SEMA3C: variants seen among roughly 807,000 people sequenced by gnomAD.
SEMA3C encodes the protein semaphorin 3C.
In SEMA3C, 47 loss-of-function variants were observed where a neutral mutation model predicts 89.4. That is an observed-to-expected ratio of 0.53 (90% CI 0.42 to 0.67). The LOEUF (loss-of-function observed/expected upper bound fraction) is 0.67, where lower values mean the gene tolerates loss of function less well. Ranked by LOEUF, SEMA3C falls within the 30% of genes least tolerant of loss-of-function variation. SEMA3C has a pLI of 0.00. For missense variants in SEMA3C, 839 were observed against 929.1 expected (o/e 0.90, Z 1.26); for synonymous variants, 310 against 320.2 (o/e 0.97, Z 0.34).
chr7:80,913,828 T>C (rs1324898546), intron 2 of SEMA3C, among the ~76,000 whole-genome samples: 1 of 152,208 alleles, frequency 6.6e-6, no homozygotes, highest in East Asian at 1.9e-4. Flanking sequence ...TTACAAATGT[T>C]ATTACTCCAT....
chr7:80,845,193 T>G lies in SEMA3C; in HGVS notation c.104-16448A>C, dbSNP rs554651846. Among the ~76,000 whole-genome samples, 8 of 152,188 alleles carry G rather than the reference T, an allele frequency of 5.3e-5. No individual in the cohort carries two copies. In the South Asian group the frequency reaches 1.7e-3, roughly 32 times the overall value. On this transcript the variant is annotated intron_variant, in intron 2 of 17. Coordinates refer to ENST00000265361, the MANE Select transcript of SEMA3C (RefSeq NM_006379.5). ...AACCCTACTGTTCCCTCACGCAGACTGAAAACTATTGTGAGGCTAAAACTG... is the reference window on the plus strand; with the variant it reads ...AACCCTACTGTTCCCTCACGCAGACGGAAAACTATTGTGAGGCTAAAACTG...
At chr7:80,848,792 T>C (rs1790445990) in intron 2 of SEMA3C, among the ~76,000 whole-genome samples, 1 of 152,236 alleles carries the variant, frequency 6.6e-6, no homozygotes, top group Non-Finnish European at 1.5e-5. Flanking sequence ...ATATTATTTA[T>C]GCAAACTATG....
At position 80,798,222 on chromosome 7, in the gene SEMA3C, C is replaced by A; in HGVS notation, c.1001G>T (p.Gly334Val). ...IFTTSSSVFK[G>V]SAVCVYHLSD... ...TAAATGATACACACACACGGCTGAT[C>A]CTTTGAAAACTGAGCTAAAAAAGAA... Residue 334 changes from glycine (G) to valine (V), a missense_variant, in exon 11 of 18, where the codon GGA (glycine) becomes GTA (valine). Gly to Val is a moderately radical substitution (Grantham distance 109, BLOSUM62 -3). Coordinates refer to ENST00000265361, the MANE Select transcript of SEMA3C (RefSeq NM_006379.5). 6.9e-7 allele frequency: 1 copy of A among 1,452,208 alleles called. No homozygotes were observed. The highest frequency in any genetic ancestry group is 9.1e-7 in the Non-Finnish European group (1 of 1,099,314). The allele number at this position is 1,452,208 out of a possible 1,614,324, so 90.0% of individuals were successfully genotyped here.
At chr7:80,883,853 T>C (rs1231983744) in intron 2 of SEMA3C, among the ~76,000 whole-genome samples, 1 of 152,210 alleles carries the variant, frequency 6.6e-6, no homozygotes, top group Admixed American at 6.5e-5. Context: ...AACTCATAAT[T>C]CACAAGAATC....
intron 2 of SEMA3C, among the ~76,000 whole-genome samples, chr7:80,875,101 CAA>C (rs5885201): frequency 6.9e-6 from 1 of 144,084 alleles, no homozygotes; most frequent in African/African-American, 2.6e-5. Context: ...AAAACAAAAC[CAA>C]AAAAAAAAAA....
chr7:80,805,788 A>C lies in SEMA3C; in HGVS notation c.539-30T>G, dbSNP rs777722093. ...GAAAAAGAAAATATCAATGAAATGT[A>C]AATTTTTAAAGCTATTTTGAAATTC... On this transcript the variant is annotated intron_variant, in intron 6 of 17. Coordinates refer to ENST00000265361, the MANE Select transcript of SEMA3C (RefSeq NM_006379.5). 3 of 1,535,084 alleles carry C rather than the reference A, an allele frequency of 2.0e-6. No homozygotes were observed. The South Asian group carries it at 3.5e-5, about 18-fold the overall frequency.
intron 13 of SEMA3C, among the ~76,000 whole-genome samples, chr7:80,762,341 A>G (rs1019497947): frequency 2.6e-5 from 4 of 152,156 alleles, no homozygotes; most frequent in African/African-American, 9.7e-5. Flanking sequence ...AAGACAATAT[A>G]TTAGGCTGAA....
chr7:80,898,315 G>A (rs755193367), intron 2 of SEMA3C, among the ~76,000 whole-genome samples: 5 of 152,174 alleles, frequency 3.3e-5, no homozygotes, highest in South Asian at 2.1e-4. Flanking sequence ...GCAGTGAGCC[G>A]AGATCGCGCC....
At chr7:80,779,832 TGA>T (rs1454625339) in intron 12 of SEMA3C, among the ~76,000 whole-genome samples, 9 of 152,156 alleles carry the variant, frequency 5.9e-5, no homozygotes, top group Admixed American at 5.2e-4. Flanking sequence ...CAGATTGAAG[TGA>T]GAGACTCTAC....
chr7:80,781,854 A>G (rs906979030), intron 12 of SEMA3C, among the ~76,000 whole-genome samples: 2 of 152,178 alleles, frequency 1.3e-5, no homozygotes, highest in African/African-American at 4.8e-5. Context: ...AGTCATCTAG[A>G]GAAACATCAG....
chr7:80,852,744 T>A (rs560084422), intron 2 of SEMA3C, among the ~76,000 whole-genome samples: 1 of 149,010 alleles, frequency 6.7e-6, no homozygotes, highest in African/African-American at 2.5e-5. Context: ...AGTGGCGCAA[T>A]CTTGGCTCAC....
At chr7:80,800,699 A>T in intron 10 of SEMA3C, 58 bp downstream of exon 10, 1 of 1,005,110 alleles carries the variant, frequency 9.9e-7, no homozygotes, top group Non-Finnish European at 1.5e-6. Flanking sequence ...TATAATAATT[A>T]CTGTTACTCC....
At chr7:80,829,470 T>C (rs868299400) in intron 2 of SEMA3C, among the ~76,000 whole-genome samples, 16 of 152,328 alleles carry the variant, frequency 1.1e-4, no homozygotes, top group South Asian at 4.1e-4. Flanking sequence ...CATTTTAGGA[T>C]TGTTATTTCC....
intron 11 of SEMA3C, among the ~76,000 whole-genome samples, chr7:80,796,059 G>T (rs1027732052): frequency 7.9e-5 from 12 of 151,878 alleles, no homozygotes; most frequent in African/African-American, 2.7e-4. Flanking sequence ...AGTTTTTTTA[G>T]GGGGAACAGA....
chr7:80,747,395 T>C (rs1449518859), intron 17 of SEMA3C, among the ~76,000 whole-genome samples: 1 of 152,158 alleles, frequency 6.6e-6, no homozygotes, highest in East Asian at 1.9e-4. Flanking sequence ...ATTATTCTAT[T>C]GAACTTTCTA....
intron 2 of SEMA3C, among the ~76,000 whole-genome samples, chr7:80,863,781 T>C (rs1016354452): frequency 1.5e-5 from 2 of 135,270 alleles, no homozygotes; most frequent in Non-Finnish European, 3.1e-5. Flanking sequence ...CCATCATATA[T>C]ATAGTAGTAT....
intron 12 of SEMA3C, among the ~76,000 whole-genome samples, chr7:80,769,906 C>T (rs1313462755): frequency 6.8e-6 from 1 of 146,194 alleles, no homozygotes; most frequent in African/African-American, 2.5e-5. Context: ...ACAAAAGCTG[C>T]TTTTTATCCA....
intron 11 of SEMA3C, among the ~76,000 whole-genome samples, chr7:80,790,214 T>C (rs912388489): frequency 6.6e-6 from 1 of 151,878 alleles, no homozygotes; most frequent in Non-Finnish European, 1.5e-5. Flanking sequence ...AGCCCAGGAA[T>C]CTGAGGCTGC....
At chr7:80,854,452 G>T (rs1235012368) in intron 2 of SEMA3C, among the ~76,000 whole-genome samples, 1 of 152,112 alleles carries the variant, frequency 6.6e-6, no homozygotes, top group Admixed American at 6.6e-5. Context: ...TTAGAAAGAC[G>T]ACAGTCTTAA....
Sources: gnomAD v4.1 joint callset for allele counts (sites outside exome capture counted in the v4.1 genomes callset) on GRCh38, gnomAD v4.1.1 for gene constraint, MANE v1.5 for transcripts, NCBI Gene and HGNC (gene_info 2026-07-23, HGNC 2026-07-21) for gene names.